RBFOX1: variants seen among roughly 807,000 people sequenced by gnomAD.
RBFOX1 encodes RNA binding fox-1 homolog 1, also known as RNA binding protein fox-1 homolog 1.
A neutral mutation model predicts 57.7 loss-of-function variants in RBFOX1; 8 were observed. The observed-to-expected ratio is 0.14, with a 90% CI of 0.08 to 0.25. The LOEUF (loss-of-function observed/expected upper bound fraction) is 0.25, where lower values mean the gene tolerates loss of function less well. Ranked by LOEUF, RBFOX1 falls within the 10% of genes least tolerant of loss-of-function variation. RBFOX1 has a pLI of 1.00. For synonymous variants in RBFOX1, 326 were observed against 222.4 expected (o/e 1.47, Z -4.15); for missense variants, 611 against 548.5 (o/e 1.11, Z -1.14).
At chr16:7,111,115 C>G (rs768145503) in intron 4 of RBFOX1, among the ~76,000 whole-genome samples, 1 of 152,162 alleles carries the variant, frequency 6.6e-6, no homozygotes, top group Non-Finnish European at 1.5e-5. Context: ...TGTGGCCAAT[C>G]TCATTTTCCT....
intron 4 of RBFOX1, among the ~76,000 whole-genome samples, chr16:7,216,828 A>T (rs186221647): frequency 4.3e-4 from 65 of 152,090 alleles, no homozygotes; most frequent in Non-Finnish European, 8.4e-4. Context: ...TTTCACAAAT[A>T]TGTATTTACT....
chr16:7,013,729 C>G (rs778759648), intron 3 of RBFOX1, among the ~76,000 whole-genome samples: 3 of 151,766 alleles, frequency 2.0e-5, no homozygotes, highest in African/African-American at 7.3e-5. Context: ...ACAATCACTG[C>G]TCACTGCAGC....
intron 4 of RBFOX1, among the ~76,000 whole-genome samples, chr16:7,086,733 C>CACACACAGACACACACACACAG (rs2060049014): frequency 2.0e-5 from 3 of 152,206 alleles, no homozygotes; most frequent in East Asian, 1.9e-4. Flanking sequence ...CACACACACA[C>CACACACAGACACACACACACAG]ACACACACTT....
intron 4 of RBFOX1, among the ~76,000 whole-genome samples, chr16:7,259,169 C>T (rs1437112267): frequency 1.3e-5 from 2 of 152,200 alleles, no homozygotes; most frequent in Non-Finnish European, 2.9e-5. Flanking sequence ...CACATGACCT[C>T]TCCTCCACCA....
chr16:7,192,120 A>G (rs1252184021), intron 4 of RBFOX1, among the ~76,000 whole-genome samples: 1 of 152,128 alleles, frequency 6.6e-6, no homozygotes, highest in Non-Finnish European at 1.5e-5. Flanking sequence ...AAAGAAGCAA[A>G]AAATAATTGG....
intron 4 of RBFOX1, among the ~76,000 whole-genome samples, chr16:7,451,693 A>T (rs1198349207): frequency 1.0e-5 from 1 of 100,320 alleles, no homozygotes; most frequent in African/African-American, 3.9e-5. Flanking sequence ...CCCGCCCCGT[A>T]TTCTCTTTGT....
chr16:7,648,734 C>G (rs1276754885), intron 11 of RBFOX1, among the ~76,000 whole-genome samples: 2 of 152,082 alleles, frequency 1.3e-5, no homozygotes, highest in Non-Finnish European at 2.9e-5. Context: ...TAGGTGTTAC[C>G]TGTCTGGGGC....
chr16:6,382,107 T>C (rs1196884535), intron 2 of RBFOX1, among the ~76,000 whole-genome samples: 3 of 152,300 alleles, frequency 2.0e-5, no homozygotes, highest in Non-Finnish European at 4.4e-5. Flanking sequence ...GTTCCAATAA[T>C]ACTTTATTTA....
intron 3 of RBFOX1, among the ~76,000 whole-genome samples, chr16:5,723,889 G>A (rs1376745363): frequency 6.6e-6 from 1 of 152,178 alleles, no homozygotes; most frequent in East Asian, 1.9e-4. Context: ...TTCTACATGG[G>A]CATCTCTTTA....
intron 3 of RBFOX1, among the ~76,000 whole-genome samples, chr16:7,003,602 A>G (rs1033189961): frequency 6.6e-6 from 1 of 152,216 alleles, no homozygotes; most frequent in Non-Finnish European, 1.5e-5. Flanking sequence ...CCTCTGGAGA[A>G]AAACTAACCT....
intron 3 of RBFOX1, among the ~76,000 whole-genome samples, chr16:6,742,869 G>C (rs1341006623): frequency 6.6e-6 from 1 of 152,162 alleles, no homozygotes; most frequent in African/African-American, 2.4e-5. Flanking sequence ...GCATGAAGGA[G>C]AAATCTGTGG....
chr16:6,795,506 G>C (rs141817274), intron 3 of RBFOX1, among the ~76,000 whole-genome samples: 2 of 152,006 alleles, frequency 1.3e-5, no homozygotes, highest in Non-Finnish European at 2.9e-5. Flanking sequence ...GTTGGCTCAC[G>C]TCTGTAATCC....
intron 4 of RBFOX1, among the ~76,000 whole-genome samples, chr16:7,189,877 C>T (rs1158013203): frequency 6.6e-6 from 1 of 152,148 alleles, no homozygotes; most frequent in Non-Finnish European, 1.5e-5. Context: ...CTGCAATAGG[C>T]CCAACTCACA....
intron 3 of RBFOX1, among the ~76,000 whole-genome samples, chr16:6,674,303 G>A (rs1188333265): frequency 2.0e-5 from 3 of 151,912 alleles, no homozygotes; most frequent in Non-Finnish European, 1.5e-5. Context: ...CCAATGACTG[G>A]GTTCTTTATT....
At chr16:7,684,266 G>A (rs1013102298) in intron 14 of RBFOX1, among the ~76,000 whole-genome samples, 5 of 152,110 alleles carry the variant, frequency 3.3e-5, no homozygotes, top group Non-Finnish European at 5.9e-5. Flanking sequence ...GTGGAATTAG[G>A]CACTTCTCAA....
chr16:5,410,088 G>A (rs540191256), intron 1 of RBFOX1, among the ~76,000 whole-genome samples: 50 of 151,420 alleles, frequency 3.3e-4, no homozygotes, highest in African/African-American at 1.2e-3. Context: ...ATGCAGCTGG[G>A]AAAGGTGGCT....
At chr16:5,896,159 G>C (rs947492017) in intron 4 of RBFOX1, among the ~76,000 whole-genome samples, 3 of 152,160 alleles carry the variant, frequency 2.0e-5, no homozygotes, top group African/African-American at 4.8e-5. Context: ...TCCCAGGAAA[G>C]GCTGTGGAGC....
At chr16:6,469,311 C>G (rs943816015) in intron 2 of RBFOX1, among the ~76,000 whole-genome samples, 2 of 152,084 alleles carry the variant, frequency 1.3e-5, no homozygotes, top group African/African-American at 2.4e-5. Context: ...CAAGTTACAA[C>G]CAAGGTATGG....
intron 1 of RBFOX1, among the ~76,000 whole-genome samples, chr16:5,460,642 G>T (rs2068759946): frequency 6.6e-6 from 1 of 152,208 alleles, no homozygotes; most frequent in Admixed American, 6.5e-5. Context: ...CCAGTGAAGG[G>T]TGAGGAATGT....
Sources: allele counts gnomAD v4.1 joint callset (sites outside exome capture counted in the v4.1 genomes callset), GRCh38; gene constraint gnomAD v4.1.1; transcripts MANE v1.5; gene names NCBI Gene and HGNC (gene_info 2026-07-23, HGNC 2026-07-21).